The following DOCK1 variants were observed in gnomAD, a reference collection of about 807,000 sequenced individuals.
DOCK1 encodes dedicator of cytokinesis 1, also known as dedicator of cytokinesis protein 1.
Under a neutral mutation model 262.7 loss-of-function variants are expected in DOCK1, and 138 were observed. The observed-to-expected ratio is 0.53, with a 90% CI of 0.46 to 0.61. DOCK1 has a LOEUF of 0.61. Among genes scored for constraint, DOCK1 ranks in the 20% least tolerant of loss-of-function variants. The pLI is 0.00. For synonymous variants in DOCK1, 866 were observed against 867.4 expected (o/e 1.00, Z 0.03); for missense variants, 1,908 against 2,370.7 (o/e 0.80, Z 4.05).
chr10:127,154,358 G>A (rs1539749), intron 27 of DOCK1, among the ~76,000 whole-genome samples: 32,072 of 152,216 alleles, frequency 0.21, 4,131 homozygotes, highest in South Asian at 0.34. Flanking sequence ...AAATCCCGCC[G>A]GGGCCTGGTT....
intron 16 of DOCK1, among the ~76,000 whole-genome samples, chr10:127,027,688 T>C (rs553270947): frequency 6.6e-6 from 1 of 152,322 alleles, no homozygotes; most frequent in East Asian, 1.9e-4. Flanking sequence ...CGCTGCCTGG[T>C]ATGGATAGGG....
chr10:127,421,271 G>A (rs191297177), intron 46 of DOCK1, among the ~76,000 whole-genome samples: 3 of 152,204 alleles, frequency 2.0e-5, no homozygotes, highest in Admixed American at 2.0e-4. Flanking sequence ...TGGCCTCTCT[G>A]TCATCAGCAC....
chr10:127,418,669 A>G, intron 45 of DOCK1, 128 bp downstream of exon 45: 1 of 1,222,894 alleles, frequency 8.2e-7, no homozygotes, highest in Non-Finnish European at 1.1e-6. Flanking sequence ...GGCCCAGCCA[A>G]GGCCAGGCAG....
intron 26 of DOCK1, among the ~76,000 whole-genome samples, chr10:127,126,382 A>G (rs1432100484): frequency 2.0e-5 from 3 of 151,890 alleles, no homozygotes; most frequent in Non-Finnish European, 2.9e-5. Flanking sequence ...GGCCTACCCT[A>G]TTCCTTTTGC....
At chr10:126,938,403 T>G (rs1347130974) in intron 1 of DOCK1, among the ~76,000 whole-genome samples, 1 of 152,152 alleles carries the variant, frequency 6.6e-6, no homozygotes, top group Non-Finnish European at 1.5e-5. Context: ...TTGAAACCAT[T>G]TATTGTTCTT....
At chr10:127,093,254 T>TC (rs1042737110) in intron 23 of DOCK1, among the ~76,000 whole-genome samples, 1 of 136,544 alleles carries the variant, frequency 7.3e-6, no homozygotes, top group African/African-American at 3.0e-5. Flanking sequence ...TTTTTTTTTT[T>TC]TTTTTTTTGG....
intron 18 of DOCK1, among the ~76,000 whole-genome samples, chr10:127,036,015 T>TAAAG (rs2043576615): frequency 7.0e-6 from 1 of 142,742 alleles, no homozygotes; most frequent in Admixed American, 7.0e-5. Flanking sequence ...AATAAATAAA[T>TAAAG]AAATAAATAA....
At chr10:127,180,352 C>T (rs559164252) in intron 27 of DOCK1, among the ~76,000 whole-genome samples, 1 of 152,254 alleles carries the variant, frequency 6.6e-6, no homozygotes, top group South Asian at 2.1e-4. Flanking sequence ...GAACCATGGA[C>T]TCTGGTTTGG....
chr10:127,299,438 C>T (rs1224301503), intron 29 of DOCK1, among the ~76,000 whole-genome samples: 1 of 152,180 alleles, frequency 6.6e-6, no homozygotes, highest in African/African-American at 2.4e-5. Flanking sequence ...TGGCTGGTCT[C>T]TTATAAAGAA....
intron 16 of DOCK1, among the ~76,000 whole-genome samples, chr10:127,031,078 G>A (rs909283576): frequency 3.3e-5 from 5 of 152,218 alleles, no homozygotes; most frequent in East Asian, 1.9e-4. Context: ...CATTGGGGTC[G>A]TTAGTCCATT....
chr10:127,097,587 G>A (rs1258214618), intron 23 of DOCK1, among the ~76,000 whole-genome samples: 1 of 152,146 alleles, frequency 6.6e-6, no homozygotes, highest in Non-Finnish European at 1.5e-5. Context: ...TCCTGCACAC[G>A]TGTTGATTGG....
At chr10:127,156,894 C>T (rs1443044690) in intron 27 of DOCK1, among the ~76,000 whole-genome samples, 1 of 152,120 alleles carries the variant, frequency 6.6e-6, no homozygotes, top group Non-Finnish European at 1.5e-5. Flanking sequence ...TAAAGCCCTT[C>T]CTGAAAAGAC....
intron 43 of DOCK1, among the ~76,000 whole-genome samples, chr10:127,412,144 A>G (rs1043752336): frequency 5.9e-5 from 9 of 151,624 alleles, no homozygotes; most frequent in Non-Finnish European, 1.3e-4. Flanking sequence ...TTGTATTTTT[A>G]GTAGAGACGG....
At chr10:126,971,317 T>C (rs1455927210) in intron 2 of DOCK1, among the ~76,000 whole-genome samples, 1 of 152,108 alleles carries the variant, frequency 6.6e-6, no homozygotes, top group Non-Finnish European at 1.5e-5. Flanking sequence ...CCTCCCAAAG[T>C]ACTGGGATTA....
intron 27 of DOCK1, among the ~76,000 whole-genome samples, chr10:127,220,515 A>C (rs1037444503): frequency 6.6e-6 from 1 of 152,122 alleles, no homozygotes; most frequent in Non-Finnish European, 1.5e-5. Context: ...ATATACTTAC[A>C]CTAGAAAAAA....
At chr10:127,287,673 G>C (rs1034589889) in intron 29 of DOCK1, among the ~76,000 whole-genome samples, 2 of 152,172 alleles carry the variant, frequency 1.3e-5, no homozygotes, top group African/African-American at 4.8e-5. Context: ...TTGTTTGTAT[G>C]TTTGTTGTTG....
At chr10:126,943,646 T>C (rs1022049911) in intron 1 of DOCK1, among the ~76,000 whole-genome samples, 4 of 152,040 alleles carry the variant, frequency 2.6e-5, no homozygotes, top group African/African-American at 7.2e-5. Context: ...GAAGTAGATA[T>C]GGGGGATTGG....
intron 23 of DOCK1, among the ~76,000 whole-genome samples, chr10:127,065,685 C>T (rs961086908): frequency 6.6e-6 from 1 of 152,136 alleles, no homozygotes; most frequent in Admixed American, 6.5e-5. Context: ...GCCCTTTCCG[C>T]AGCTCCTCCA....
chr10:126,935,153 A>G (rs975201801), intron 1 of DOCK1, among the ~76,000 whole-genome samples: 1 of 152,234 alleles, frequency 6.6e-6, no homozygotes, highest in Admixed American at 6.5e-5. Context: ...GTAGACTATT[A>G]TATCATAACC....
Sources: gnomAD v4.1 joint callset for allele counts (sites outside exome capture counted in the v4.1 genomes callset) on GRCh38, gnomAD v4.1.1 for gene constraint, MANE v1.5 for transcripts, NCBI Gene and HGNC (gene_info 2026-07-23, HGNC 2026-07-21) for gene names.